RFX8: variants seen among roughly 807,000 people sequenced by gnomAD.
The protein encoded by RFX8 is DNA-binding protein RFX8.
A neutral mutation model predicts 54.6 loss-of-function variants in RFX8; 46 were observed. The observed-to-expected ratio is 0.84, with a 90% confidence interval of 0.67 to 1.08. The LOEUF is 1.08. RFX8 is among the 50% of genes least tolerant of loss of function. The pLI is 0.00. For synonymous variants in RFX8, 192 were observed against 209.5 expected (o/e 0.92, Z 0.72); for missense variants, 536 against 562.3 (o/e 0.95, Z 0.47).
rs534486993 is a variant in RFX8, at chr2:101,417,444, G to A, written c.502+90C>T. ...TGGTCTCAAACTCCTGGCCTCAAGC[G>A]ATCCTCCTGCCTCGGCCTTCCAAAG... On this transcript the variant is annotated intron_variant, in intron 6 of 11. Transcript: ENST00000428343. 34 of 1,230,000 alleles carry A rather than the reference G, an allele frequency of 2.8e-5. No homozygotes were observed. In the South Asian group the frequency reaches 4.5e-4, roughly 16 times the overall value. 76.2% of individuals were successfully genotyped at this position (1,230,000 alleles called of 1,614,324 possible).
chr2:101,428,950 ACT>A (rs765133697), intron 2 of RFX8: 1 of 1,509,146 alleles, frequency 6.6e-7, no homozygotes, highest in South Asian at 1.2e-5. Context: ...TTTGATTAAC[ACT>A]CACTGTTGCT....
chr2:101,402,989 G>C (rs540748545), intron 10 of RFX8, among the ~76,000 whole-genome samples: 1 of 152,262 alleles, frequency 6.6e-6, no homozygotes, highest in East Asian at 1.9e-4. Context: ...TCATGAAAAG[G>C]AACTTAAAAT....
At chr2:101,474,301 G>T (rs964308271) in intron 1 of RFX8, 2 of 478,632 alleles carry the variant, frequency 4.2e-6, no homozygotes, top group Non-Finnish European at 7.3e-6. Context: ...CTGCAGCACC[G>T]AGGCAGGCAG....
At position 101,446,860 on chromosome 2, in the gene RFX8, G is replaced by A. The variant is rs141557151; in HGVS notation, c.72+19917C>T. On this transcript the variant is annotated intron_variant, in intron 2 of 11. Coordinates refer to ENST00000428343, the MANE Select transcript of RFX8 (RefSeq NM_001145664.2). Reference sequence around the variant, plus strand: ...GCAGGATCTACACCCAGCCTTTCAGGAGCCTACAGATCAGCAAGTGAGAGA... The same window carrying A: ...GCAGGATCTACACCCAGCCTTTCAGAAGCCTACAGATCAGCAAGTGAGAGA... Among the ~76,000 whole-genome samples, 686 of 152,244 alleles carry A rather than the reference G, an allele frequency of 4.5e-3. 4 individuals are homozygous for A. The highest frequency in any genetic ancestry group is 0.014 in the South Asian group (68 of 4,828).
rs1686072430 is a variant in RFX8 at position 101,410,661 on chromosome 2, G to C, written c.771C>G (p.Phe257Leu). Residue 257 changes from phenylalanine to leucine, a missense_variant, in exon 9 of 12, where the codon TTC becomes TTG. Physicochemically the swap from Phe to Leu is conservative, Grantham distance 22. Transcript: ENST00000428343. ...GGAGATGTGAAGACAGACAGCTGAG[G>C]AATACCCTGAGATCTGTTGATGTTC... is the stretch of plus-strand genomic sequence containing the variant. ...LLGTSTDLRV[F>L]LSCLSSHLQA... The C allele has an allele frequency of 1.3e-6, 2 of 1,547,364 alleles. No individual in the cohort carries two copies. The highest frequency in any genetic ancestry group is 1.7e-6 in the Non-Finnish European group (2 of 1,143,234).
rs763411694 is a variant in RFX8 at position 101,427,757 on chromosome 2, C to T, written c.73-5285G>A. On this transcript the variant is annotated intron_variant, in intron 2 of 11. Transcript: ENST00000428343. ...CCACCCATGGCCTGCACTGCCCGCT[C>T]GACATGGTACCCATTGTTCCACGTC... is the stretch of plus-strand genomic sequence containing the variant. Among the ~76,000 whole-genome samples, 100 of 152,252 alleles carry T rather than the reference C, an allele frequency of 6.6e-4. 1 individual carries two copies. The highest frequency in any genetic ancestry group is 1.1e-3 in the Non-Finnish European group (77 of 68,038).
At chr2:101,422,567 T>G (rs1031513282) in intron 2 of RFX8, 95 bp from the exon 3 acceptor site, 1 of 737,032 alleles carries the variant, frequency 1.4e-6, no homozygotes, top group Non-Finnish European at 2.4e-6. Context: ...TAAGTTAATA[T>G]TGTGTATAAC....
chr2:101,450,433 G>A (rs1688612018), intron 2 of RFX8, among the ~76,000 whole-genome samples: 1 of 152,048 alleles, frequency 6.6e-6, no homozygotes, highest in Non-Finnish European at 1.5e-5. Flanking sequence ...ATGTTGCCCA[G>A]GCTGGTCTTG....
intron 7 of RFX8, among the ~76,000 whole-genome samples, chr2:101,414,208 G>T (rs566771295): frequency 5.3e-5 from 8 of 152,308 alleles, no homozygotes; most frequent in Admixed American, 2.6e-4. Context: ...CTGCTATGAC[G>T]CCCTGTTACC....
intron 2 of RFX8, among the ~76,000 whole-genome samples, chr2:101,424,582 G>T (rs1330458828): frequency 6.6e-6 from 1 of 152,130 alleles, no homozygotes; most frequent in African/African-American, 2.4e-5. Context: ...GTTTATTGCG[G>T]CACTATTCAC....
chr2:101,402,334 T>G, intron 11 of RFX8, 102 bp downstream of exon 11: 1 of 1,039,502 alleles, frequency 9.6e-7, no homozygotes, highest in Non-Finnish European at 1.4e-6. Context: ...GTAGAATCGT[T>G]TATCATTGTT....
At chr2:101,463,272 A>G (rs1418936590) in intron 2 of RFX8, among the ~76,000 whole-genome samples, 1 of 152,242 alleles carries the variant, frequency 6.6e-6, no homozygotes, top group Non-Finnish European at 1.5e-5. Context: ...ACAACGAGGT[A>G]GAGAGGAGAG....
intron 2 of RFX8, among the ~76,000 whole-genome samples, chr2:101,453,304 GAA>G (rs1688801205): frequency 2.0e-5 from 3 of 147,304 alleles, no homozygotes; most frequent in Non-Finnish European, 3.0e-5. Flanking sequence ...TAAAAAGAGA[GAA>G]AAAAAGAAAA....
intron 2 of RFX8, among the ~76,000 whole-genome samples, chr2:101,426,239 C>G (rs552474659): frequency 4.8e-4 from 73 of 152,092 alleles, no homozygotes; most frequent in Middle Eastern, 3.4e-3. Flanking sequence ...GTGGCTCATG[C>G]TTGTAATCCC....
chr2:101,418,988 C>G (rs953996386), intron 4 of RFX8, 24 bp from the exon 5 acceptor site: 11 of 1,344,444 alleles, frequency 8.2e-6, no homozygotes, highest in Non-Finnish European at 1.1e-5. Context: ...CAGAGCATAT[C>G]GCCAAAACTC....
chr2:101,428,769 C>T (rs1687323586), intron 2 of RFX8, among the ~76,000 whole-genome samples: 1 of 152,202 alleles, frequency 6.6e-6, no homozygotes, highest in Non-Finnish European at 1.5e-5. Context: ...AGGACAGAGA[C>T]TATGTCTGTC....
intron 2 of RFX8, chr2:101,450,602 C>T (rs1688621566): frequency 1.3e-6 from 2 of 1,483,784 alleles, no homozygotes; most frequent in South Asian, 1.2e-5. Context: ...ACCTGTGATA[C>T]CTTTTTTCAC....
intron 2 of RFX8, among the ~76,000 whole-genome samples, chr2:101,449,185 AAC>A (rs56382353): frequency 0.76 from 114,964 of 151,952 alleles, 44,430 homozygotes; most frequent in Middle Eastern, 0.88. Context: ...AGAAATAGGC[AAC>A]ACACGGTTGG....
At position 101,417,612 on chromosome 2, in the gene RFX8, A is replaced by G. The variant is rs906441185; in HGVS notation, c.424T>C (p.Phe142Leu). The change falls in exon 6 of 12, where the codon TTT becomes CTT. Residue 142 changes from phenylalanine (F) to leucine (L), a missense_variant. Physicochemically the swap from Phe to Leu is conservative, Grantham distance 22. Transcript: ENST00000428343. Reference protein sequence around the residue: ...SIQYLKSVQLFSKKFKLWLLN... With the variant: ...SIQYLKSVQLLSKKFKLWLLN... ...AGCCACAGCTTAAATTTCTTACTAA[A>G]TAACTGCACAGATTTCAGGTACTGA... is the stretch of plus-strand genomic sequence containing the variant. 6.4e-7 allele frequency: 1 copy of G among 1,551,530 alleles called. No individual in the cohort carries two copies. The highest frequency in any genetic ancestry group is 1.4e-5 in the African/African-American group (1 of 73,038).
Sources: allele counts gnomAD v4.1 joint callset (sites outside exome capture counted in the v4.1 genomes callset), GRCh38; gene constraint gnomAD v4.1.1; transcripts MANE v1.5; gene names NCBI Gene and HGNC (gene_info 2026-07-23, HGNC 2026-07-21).